The following PBX1 variants were observed in gnomAD, a reference collection of about 807,000 sequenced individuals.
The protein encoded by PBX1 is pre-B-cell leukemia transcription factor 1.
PBX1 carries 6 observed loss-of-function variants against 53.4 expected under a neutral mutation model. The observed-to-expected ratio is 0.11, with a 90% CI of 0.06 to 0.22. The LOEUF (loss-of-function observed/expected upper bound fraction) is 0.22. Ranked by LOEUF, PBX1 falls within the 10% of genes least tolerant of loss-of-function variation. The pLI is 1.00. For missense variants in PBX1, 251 were observed against 551.4 expected, an observed-to-expected ratio of 0.46 and a Z score of 5.46; for synonymous variants, 204 against 212.3, an observed-to-expected ratio of 0.96 and a Z score of 0.34.
intron 2 of PBX1, among the ~76,000 whole-genome samples, chr1:164,675,276 C>T (rs1369625237): frequency 2.0e-5 from 3 of 152,162 alleles, no homozygotes; most frequent in African/African-American, 7.2e-5. Flanking sequence ...CTACCTCTGT[C>T]ACCTGACCCT....
rs1158343351 is a variant in PBX1 at position 164,795,596 on chromosome 1, TAAG to T, written c.510+2862_510+2864del. 2.6e-5 allele frequency among the ~76,000 whole-genome samples: 4 copies of T among 152,366 alleles called. No individual in the cohort carries two copies. In the East Asian group the frequency reaches 5.8e-4, roughly 22 times the overall value. ...TTTGTTTATATGGGCATTTTCTAGT[TAAG>T]AAGTGAATACTGCTTAATACATTTT... On this transcript the variant is annotated intron_variant, in intron 3 of 8. Transcript: ENST00000420696.
At chr1:164,600,471 A>T (rs1656092069) in intron 2 of PBX1, among the ~76,000 whole-genome samples, 1 of 151,756 alleles carries the variant, frequency 6.6e-6, no homozygotes, top group Admixed American at 6.6e-5. Flanking sequence ...CTGGTCTCGA[A>T]CTCCTGACCT....
chr1:164,719,787 G>A (rs1211096920), intron 2 of PBX1, among the ~76,000 whole-genome samples: 1 of 152,174 alleles, frequency 6.6e-6, no homozygotes, highest in Non-Finnish European at 1.5e-5. Context: ...TGTCTAAAGT[G>A]TGCGTGTGTA....
At chr1:164,799,912 C>T (rs781237999) in intron 4 of PBX1, 23 bp downstream of exon 4, 7 of 1,589,264 alleles carry the variant, frequency 4.4e-6, no homozygotes, top group Non-Finnish European at 6.0e-6. Context: ...TGGGGCTGTC[C>T]TGCCCTCTCT....
intron 2 of PBX1, among the ~76,000 whole-genome samples, chr1:164,659,882 G>T (rs1309233071): frequency 6.6e-6 from 1 of 152,146 alleles, no homozygotes; most frequent in Non-Finnish European, 1.5e-5. Flanking sequence ...GCTTCCTCTG[G>T]CAGCACCTTG....
intron 2 of PBX1, among the ~76,000 whole-genome samples, chr1:164,569,803 C>T (rs1429729815): frequency 9.2e-5 from 14 of 151,962 alleles, no homozygotes; most frequent in Admixed American, 5.9e-4. Context: ...TCAAGTGATC[C>T]GCCTGCCTCG....
intron 2 of PBX1, among the ~76,000 whole-genome samples, chr1:164,874,284 C>T (rs2102457992): frequency 6.6e-6 from 1 of 152,262 alleles, no homozygotes; most frequent in South Asian, 2.1e-4. Context: ...TCTGTTTTCC[C>T]CATCCATCAA....
At chr1:164,700,562 G>A (rs1663059569) in intron 2 of PBX1, 8 of 985,370 alleles carry the variant, frequency 8.1e-6, no homozygotes, top group Non-Finnish European at 9.6e-6. Flanking sequence ...GCTCTAGGTT[G>A]GGGGACACGG....
At chr1:164,730,252 T>C (rs757091634) in intron 2 of PBX1, among the ~76,000 whole-genome samples, 4 of 152,092 alleles carry the variant, frequency 2.6e-5, no homozygotes, top group Non-Finnish European at 5.9e-5. Flanking sequence ...GTGGCATTGT[T>C]GGGGAAAGAG....
chr1:164,706,393 T>C (rs1206682702), intron 2 of PBX1, among the ~76,000 whole-genome samples: 1 of 152,220 alleles, frequency 6.6e-6, no homozygotes, highest in Non-Finnish European at 1.5e-5. Flanking sequence ...TAGAATCCAC[T>C]AGTGGAGTCT....
rs1002336203 is a variant in PBX1 at position 164,583,868 on chromosome 1, G to A, written c.265+20557G>A. ...AAATTGCTTACCTCTGGGAGAAAAC[G>A]AAGGCGCTTTAGGGCAGCTCTTGAT... On this transcript the variant is annotated intron_variant, in intron 2 of 8. Transcript: ENST00000420696. Among the ~76,000 whole-genome samples, 6 of 152,124 alleles carry A rather than the reference G, an allele frequency of 3.9e-5. No individual in the cohort carries two copies. In the East Asian group the frequency reaches 9.7e-4, roughly 25 times the overall value.
chr1:164,592,896 A>G (rs1306597498), intron 2 of PBX1, among the ~76,000 whole-genome samples: 4 of 151,798 alleles, frequency 2.6e-5, no homozygotes, highest in Admixed American at 1.3e-4. Context: ...CCTTCCCCAC[A>G]ATGGGAACTT....
rs1033191687 is a variant in PBX1, at chr1:164,870,336, T to G, written n.258-28852T>G. Among the ~76,000 whole-genome samples the G allele has an allele frequency of 2.5e-5, 3 of 121,504 alleles. 1 individual carries two copies. The highest frequency in any genetic ancestry group is 1.0e-4 in the African/African-American group (3 of 29,216). The allele number at this position is 121,504 out of a possible 152,430, so 79.7% of individuals were successfully genotyped here. ...TTCTTTCTTTCTTTCTTTCTTTCTT[T>G]CTTTCTTTCTTTCTTTCTTTCTTTC... On this transcript the variant is annotated intron_variant and non_coding_transcript_variant, in intron 2 of 2. Coordinates refer to the PBX1 transcript ENST00000558796.
At chr1:164,760,967 T>C (rs1296057409) in intron 2 of PBX1, among the ~76,000 whole-genome samples, 2 of 152,208 alleles carry the variant, frequency 1.3e-5, no homozygotes, top group Non-Finnish European at 2.9e-5. Context: ...ATACTTTCTT[T>C]CCTCTCACTT....
Position 164,870,208 on chromosome 1 carries a change from C to CT in PBX1, n.258-28976dup, listed in dbSNP as rs139155656. On this transcript the variant is annotated intron_variant and non_coding_transcript_variant, in intron 2 of 2. Transcript: ENST00000558796. ...CTCTATTGACTTTCTTTCTTTCTTT[C>CT]TTTTCTTTCTTTCCTTCCTTCCTTC... Among the ~76,000 whole-genome samples, 8 of 136,430 alleles carry CT rather than the reference C, an allele frequency of 5.9e-5. 1 individual carries two copies. Among genetic ancestry groups the CT allele is most frequent in the Admixed American group, 3.0e-4 (4 of 13,546 alleles). The allele number at this position is 136,430 out of a possible 152,430, so 89.5% of individuals were successfully genotyped here.
Position 164,820,145 on chromosome 1 carries a change from T to C in PBX1, c.1071T>C (p.Ser357=), listed in dbSNP as rs561913596. 8.1e-6 allele frequency: 13 copies of C among 1,613,798 alleles called. 1 individual carries two copies. The Admixed American group carries it at 2.2e-4, about 27-fold the overall frequency. Residue 357 remains serine (S), a synonymous_variant, in exon 7 of 9, where the codon TCT becomes TCC. Transcript: ENST00000420696. The part of the protein sequence containing the change: ...FMSVQSLNGD[S]YQGAQVGANV... ...GCGTGCAGTCACTCAATGGGGATTC[T>C]TACCAAGGGGCCCAGGTTGGAGCCA...
chr1:164,820,916 A>C (rs776094841), intron 7 of PBX1, among the ~76,000 whole-genome samples: 2 of 152,204 alleles, frequency 1.3e-5, no homozygotes, highest in Non-Finnish European at 2.9e-5. Flanking sequence ...CCCACCCTCC[A>C]TGTGGAACAA....
intron 2 of PBX1, among the ~76,000 whole-genome samples, chr1:164,756,950 T>C (rs1666561205): frequency 6.6e-6 from 1 of 152,242 alleles, no homozygotes; most frequent in South Asian, 2.1e-4. Flanking sequence ...CTCAGCATTC[T>C]TAGCTCTGTG....
chr1:164,651,930 G>GGGGTGTGTGT (rs965168010), intron 2 of PBX1: 1 of 144,164 alleles, frequency 6.9e-6, no homozygotes, highest in East Asian at 2.1e-4. Flanking sequence ...ATGGAGGGAG[G>GGGGTGTGTGT]GTGTGTGTGT....
Sources: gnomAD v4.1 joint callset for allele counts (sites outside exome capture counted in the v4.1 genomes callset) on GRCh38, gnomAD v4.1.1 for gene constraint, MANE v1.5 for transcripts, NCBI Gene and HGNC (gene_info 2026-07-23, HGNC 2026-07-21) for gene names.